The following LOC728743 variants were observed in gnomAD, a reference collection of about 807,000 sequenced individuals.
the LOC728743 span, chr7:150,404,887 C>T: frequency 6.6e-6 from 1 of 152,314 alleles, no homozygotes; most frequent in African/African-American, 2.4e-5. Flanking sequence ...CTGAAACCCT[C>T]GCCCAGGGCC....
chr7:150,410,807 G>C, the LOC728743 span: 5 of 152,202 alleles, frequency 3.3e-5, no homozygotes, highest in Admixed American at 2.0e-4. Context: ...TGGACTCCAG[G>C]CTAAGAACCT....
chr7:150,408,280 C>T, the LOC728743 span: 2 of 374,348 alleles, frequency 5.3e-6, no homozygotes, highest in African/African-American at 2.1e-5. Context: ...CGTCCCCGAC[C>T]CCTGGAGATG....
chr7:150,409,856 G>A, the LOC728743 span, among the ~76,000 whole-genome samples: 2 of 152,154 alleles, frequency 1.3e-5, no homozygotes, highest in African/African-American at 4.8e-5. Flanking sequence ...GCTCCTCGGA[G>A]ACTGTCCTCT....
At chr7:150,404,540 C>A in the LOC728743 span, 1 of 152,306 alleles carries the variant, frequency 6.6e-6, no homozygotes. Flanking sequence ...GGAAGGTTCC[C>A]ACGAGATCAT....
the LOC728743 span, among the ~76,000 whole-genome samples, chr7:150,402,997 C>T: frequency 6.6e-6 from 1 of 152,182 alleles, no homozygotes; most frequent in East Asian, 1.9e-4. Context: ...TGTGGGCAGT[C>T]CAGGCCTTTG....
chr7:150,406,464 G>A, the LOC728743 span, among the ~76,000 whole-genome samples: 1 of 152,152 alleles, frequency 6.6e-6, no homozygotes, highest in African/African-American at 2.4e-5. Flanking sequence ...GTTTTGAGGA[G>A]TGTTTAGTTG....
chr7:150,407,568 G>C, the LOC728743 span: 12 of 397,626 alleles, frequency 3.0e-5, no homozygotes. Context: ...CCCCGCCCCC[G>C]CTTCTGTCTC....
At chr7:150,409,081 G>A in the LOC728743 span, among the ~76,000 whole-genome samples, 1 of 150,282 alleles carries the variant, frequency 6.7e-6, no homozygotes, top group Admixed American at 6.6e-5. Flanking sequence ...CTTTGAACCA[G>A]GTCATGGGGA....
chr7:150,403,544 C>G, the LOC728743 span, among the ~76,000 whole-genome samples: 6 of 152,216 alleles, frequency 3.9e-5, no homozygotes, highest in Non-Finnish European at 7.3e-5. The surrounding 1 kb of genome is among the most constrained non-coding windows in gnomAD (Gnocchi z 5.1). Flanking sequence ...TGGCAGGTGA[C>G]AGCAGGGGCT....
chr7:150,404,028 A>G, the LOC728743 span, among the ~76,000 whole-genome samples: 2 of 152,202 alleles, frequency 1.3e-5, no homozygotes, highest in Admixed American at 6.5e-5. Context: ...GAGGACCCTC[A>G]TGGTATCGGG....
chr7:150,407,723 C>T, the LOC728743 span: 3 of 399,554 alleles, frequency 7.5e-6, 1 homozygote, highest in South Asian at 2.4e-4. Context: ...GCAGCCCTAC[C>T]GCTGCCCGCT....
At chr7:150,405,824 A>G in the LOC728743 span, 1 of 152,138 alleles carries the variant, frequency 6.6e-6, no homozygotes, top group East Asian at 1.9e-4. Flanking sequence ...CGGGAGAGTT[A>G]CCGTATTTGC....
At chr7:150,401,237 T>C in the LOC728743 span, among the ~76,000 whole-genome samples, 1 of 151,864 alleles carries the variant, frequency 6.6e-6, no homozygotes, top group Non-Finnish European at 1.5e-5. Flanking sequence ...AAAATGGTTG[T>C]TTTTTGGCAA....
chr7:150,407,904 G>A, the LOC728743 span: 1 of 416,874 alleles, frequency 2.4e-6, no homozygotes, highest in East Asian at 3.5e-5. Flanking sequence ...CCCTTCCCCT[G>A]CCCCGAGTGC....
chr7:150,411,539 A>C, the LOC728743 span: 1 of 152,448 alleles, frequency 6.6e-6, no homozygotes, highest in Non-Finnish European at 1.5e-5. Context: ...GAAAAGGCAA[A>C]ACTGACCAGG....
At chr7:150,408,359 A>C in the LOC728743 span, 1 of 363,642 alleles carries the variant, frequency 2.7e-6, no homozygotes. Flanking sequence ...GGGCTCTTGA[A>C]GGTGTGGGCC....
chr7:150,406,934 T>A, the LOC728743 span, among the ~76,000 whole-genome samples: 3 of 152,238 alleles, frequency 2.0e-5, no homozygotes, highest in Non-Finnish European at 2.9e-5. Flanking sequence ...CGAGGTCACT[T>A]TCAAGTTTAC....
the LOC728743 span, among the ~76,000 whole-genome samples, chr7:150,409,795 T>G: frequency 2.0e-5 from 3 of 152,086 alleles, no homozygotes; most frequent in Non-Finnish European, 2.9e-5. Flanking sequence ...TGCTGGAGAC[T>G]CGTCCCTCCC....
the LOC728743 span, chr7:150,412,182 G>T: frequency 6.6e-6 from 1 of 152,418 alleles, no homozygotes; most frequent in African/African-American, 2.4e-5. Context: ...GGTGCCTCAA[G>T]CGCTGGAGCT....
Sources: gnomAD v4.1 joint callset for allele counts (sites outside exome capture counted in the v4.1 genomes callset) on GRCh38, gnomAD v4.1.1 for gene constraint, Gnocchi (gnomAD v3.1) non-coding constraint, MANE v1.5 for transcripts.